The following STON1 variants were observed in gnomAD, a reference collection of about 807,000 sequenced individuals.
STON1 encodes stonin-1.
Under a neutral mutation model 60.9 loss-of-function variants are expected in STON1, and 79 were observed. The observed-to-expected ratio is 1.30, with a 90% CI of 1.08 to 1.56. The LOEUF is 1.56. Among genes scored for constraint, STON1 ranks in the 40% most tolerant of loss-of-function variants. The pLI is 0.00. For missense variants in STON1, 1,166 were observed against 858.9 expected (o/e 1.36, Z -4.47); for synonymous variants, 363 against 306.9 (o/e 1.18, Z -1.91).
chr2:48,565,199 C>T (rs1672888212), intron 1 of STON1, among the ~76,000 whole-genome samples: 1 of 149,148 alleles, frequency 6.7e-6, no homozygotes, highest in Non-Finnish European at 1.5e-5. Context: ...ACTACAGGCG[C>T]CCGCCACCAC....
At chr2:48,538,139 A>G (rs1671505853) in intron 1 of STON1, among the ~76,000 whole-genome samples, 1 of 151,854 alleles carries the variant, frequency 6.6e-6, no homozygotes, top group Admixed American at 6.6e-5. Context: ...TTGTATTTTT[A>G]GTAGAGATGG....
chr2:48,562,147 C>T (rs1237353651), intron 1 of STON1, among the ~76,000 whole-genome samples: 6 of 152,222 alleles, frequency 3.9e-5, no homozygotes, highest in Non-Finnish European at 5.9e-5. Flanking sequence ...AGGTGTGAGC[C>T]ACCGCACCTG....
intron 2 of STON1, among the ~76,000 whole-genome samples, chr2:48,586,465 C>T (rs1453864450): frequency 6.6e-6 from 1 of 152,182 alleles, no homozygotes; most frequent in Non-Finnish European, 1.5e-5. Context: ...CAAACATATG[C>T]ACTTAGGGAT....
intron 2 of STON1, among the ~76,000 whole-genome samples, chr2:48,584,403 G>T (rs548804243): frequency 6.6e-6 from 1 of 152,128 alleles, no homozygotes; most frequent in South Asian, 2.1e-4. Context: ...GAGTAGCTGG[G>T]ACGACAGGCG....
chr2:48,579,361 T>A (rs1019948633), intron 1 of STON1, among the ~76,000 whole-genome samples: 1 of 151,914 alleles, frequency 6.6e-6, no homozygotes, highest in Admixed American at 6.6e-5. Flanking sequence ...CAGGCTGGAG[T>A]GCAGTGGCGC....
At chr2:48,588,875 A>G (rs906404404) in intron 2 of STON1, among the ~76,000 whole-genome samples, 1 of 152,086 alleles carries the variant, frequency 6.6e-6, no homozygotes, top group Non-Finnish European at 1.5e-5. Flanking sequence ...TCATTTTGCA[A>G]CAAAGGTTTG....
chr2:48,581,737 T>G lies in STON1; in HGVS notation c.1104T>G (p.His368Gln), dbSNP rs1035029935. The change falls in exon 2 of 4, where the codon CAT becomes CAG. Residue 368 changes from histidine (H) to glutamine (Q), a missense_variant. Transcript: ENST00000404752. ...RKYHSKTEVV[H>Q]EPDIEQMLKL... ...ACCATTCTAAGACAGAAGTAGTTCA[T>G]GAACCTGACATAGAGCAGATGCTGA... 1.2e-6 allele frequency: 2 copies of G among 1,611,872 alleles called. No homozygotes were observed. The highest frequency in any genetic ancestry group is 1.7e-6 in the Non-Finnish European group (2 of 1,179,492).
At chr2:48,587,921 T>C (rs1674305195) in intron 2 of STON1, among the ~76,000 whole-genome samples, 1 of 152,186 alleles carries the variant, frequency 6.6e-6, no homozygotes, top group South Asian at 2.1e-4. Flanking sequence ...AGGACATTTC[T>C]GGGATTACAG....
At chr2:48,579,056 A>G (rs550846403) in intron 1 of STON1, among the ~76,000 whole-genome samples, 3 of 147,084 alleles carry the variant, frequency 2.0e-5, no homozygotes, top group Non-Finnish European at 4.5e-5. Context: ...CAGGCTGGAG[A>G]GTAATGACAC....
Position 48,581,450 on chromosome 2 carries a change from A to G in STON1, c.817A>G (p.Lys273Glu), listed in dbSNP as rs1489811707. 1 of 1,614,222 alleles carries G rather than the reference A, an allele frequency of 6.2e-7. No homozygotes were observed. Among genetic ancestry groups the G allele is most frequent in the Non-Finnish European group, 8.5e-7 (1 of 1,180,030 alleles). The change falls in exon 2 of 4, where the codon AAA (lysine) becomes GAA (glutamate). Residue 273 changes from lysine to glutamate, a missense_variant. Transcript: ENST00000404752. The part of the protein sequence containing the change: ...VPHTLFRSQP[K>E]SGWSFMLRIP... ...CCACACACTCTTCAGGAGTCAGCCA[A>G]AATCCGGATGGTCTTTCATGCTGAG...
intron 1 of STON1, among the ~76,000 whole-genome samples, chr2:48,544,202 C>G (rs570922205): frequency 2.8e-4 from 43 of 151,606 alleles, no homozygotes; most frequent in African/African-American, 5.1e-4. Flanking sequence ...GTGTGTGTGT[C>G]TGTCTGTCTA....
Position 48,581,441 on chromosome 2 carries a change from A to C in STON1, c.808A>C (p.Ser270Arg), listed in dbSNP as rs144948396. The C allele has an allele frequency of 8.5e-4, 1,370 of 1,614,202 alleles. 12 individuals are homozygous for C. In the African/African-American group the frequency reaches 0.016, roughly 19 times the overall value. The change falls in exon 2 of 4, where the codon AGT becomes CGT. Residue 270 changes from serine (S) to arginine (R), a missense_variant. By Grantham distance (110) the Ser-to-Arg change is moderately radical (BLOSUM62 -1). Coordinates refer to ENST00000404752, the MANE Select transcript of STON1 (RefSeq NM_006873.4). ...SSFVPHTLFR[S>R]QPKSGWSFML... The stretch of plus-strand genomic sequence containing the variant: ...CTTTGTCCCCCACACACTCTTCAGG[A>C]GTCAGCCAAAATCCGGATGGTCTTT...
intron 1 of STON1, among the ~76,000 whole-genome samples, chr2:48,553,980 C>A (rs1252960212): frequency 6.6e-6 from 1 of 152,214 alleles, no homozygotes; most frequent in Non-Finnish European, 1.5e-5. Flanking sequence ...CAAAGGACTT[C>A]TGTGTGCTGT....
Position 48,596,565 on chromosome 2 carries a change from A to T in STON1, c.*1263A>T, listed in dbSNP as rs1674789485. 1 of 152,232 alleles carries T rather than the reference A, an allele frequency of 6.6e-6. No homozygotes were observed. The highest frequency in any genetic ancestry group is 2.1e-4 in the South Asian group (1 of 4,828). 9.4% of individuals were successfully genotyped at this position (152,232 alleles called of 1,614,324 possible). A position where few individuals can be genotyped will look rare whatever the true frequency, so the allele number is the denominator to read the frequency against. On this transcript the variant is annotated 3_prime_UTR_variant, in exon 4 of 4. Coordinates refer to ENST00000404752, the MANE Select transcript of STON1 (RefSeq NM_006873.4). ...TCAATTTATGTTGAGTCTTAAACATAATTAGGAGATATTTTTCTCTATTTG... is the reference window on the plus strand; with the variant it reads ...TCAATTTATGTTGAGTCTTAAACATTATTAGGAGATATTTTTCTCTATTTG...
chr2:48,537,199 A>G (rs879472950), intron 1 of STON1, among the ~76,000 whole-genome samples: 1 of 152,146 alleles, frequency 6.6e-6, no homozygotes, highest in Non-Finnish European at 1.5e-5. Flanking sequence ...ACTGTCTTTA[A>G]CTTTAACTGC....
chr2:48,591,973 A>C (rs1674543467), intron 3 of STON1, 118 bp downstream of exon 3: 1 of 1,377,736 alleles, frequency 7.3e-7, no homozygotes, highest in Admixed American at 2.6e-5. Flanking sequence ...GATTTGCCCT[A>C]GAGAGGATCT....
At chr2:48,589,502 CAG>C (rs1328242708) in intron 2 of STON1, among the ~76,000 whole-genome samples, 2 of 152,150 alleles carry the variant, frequency 1.3e-5, no homozygotes, top group African/African-American at 4.8e-5. Flanking sequence ...CCCTGTGGGG[CAG>C]AAAGTCTGAA....
intron 1 of STON1, among the ~76,000 whole-genome samples, chr2:48,546,842 A>G (rs566318472): frequency 5.2e-4 from 79 of 152,310 alleles, no homozygotes; most frequent in African/African-American, 1.9e-3. Context: ...TGGGGATTAC[A>G]GGTATGAGCT....
intron 1 of STON1, among the ~76,000 whole-genome samples, chr2:48,545,308 C>T (rs1033369631): frequency 8.5e-5 from 13 of 152,162 alleles, no homozygotes; most frequent in African/African-American, 2.4e-4. Flanking sequence ...GATGGGGTTT[C>T]GCCAGCTTTC....
Sources: allele counts gnomAD v4.1 joint callset (sites outside exome capture counted in the v4.1 genomes callset), GRCh38; gene constraint gnomAD v4.1.1; transcripts MANE v1.5; gene names NCBI Gene and HGNC (gene_info 2026-07-23, HGNC 2026-07-21).